Variants in TULP4 observed in about 807,000 individuals in gnomAD.
TULP4 encodes tubby-related protein 4.
In TULP4, 16 loss-of-function variants were observed where a neutral mutation model predicts 129.0. The ratio of observed to expected loss-of-function variants is 0.12; its 90% CI spans 0.08 to 0.19. The LOEUF (loss-of-function observed/expected upper bound fraction) is 0.19. Among genes scored for constraint, TULP4 ranks in the 10% least tolerant of loss-of-function variants. The pLI is 1.00. For missense variants in TULP4, 1,842 were observed against 2,059.1 expected (o/e 0.89, Z 2.04); for synonymous variants, 998 against 854.0 (o/e 1.17, Z -2.94).
At position 158,449,182 on chromosome 6, in the gene TULP4, C is replaced by T; in HGVS notation, c.724+6C>T. 1.2e-6 allele frequency: 2 copies of T among 1,607,704 alleles called. No homozygotes were observed. The highest frequency in any genetic ancestry group is 2.2e-5 in the South Asian group (2 of 89,986). On this transcript the variant is annotated splice_donor_region_variant and intron_variant, in intron 4 of 13. Transcript: ENST00000367097. ...TGACTACGCCCCTCCCCAAGGTACT[C>T]ATTGGCCCTACTTTCCTTGTCACTG...
rs113952661 is a variant in TULP4 at position 158,384,738 on chromosome 6, C to T, written c.253-28327C>T. The stretch of plus-strand genomic sequence containing the variant: ...CCCAACTAGGCATGAGGAGTGACTC[C>T]GTGTTAGTCAGAGGCCTCAGACCTG... On this transcript the variant is annotated intron_variant, in intron 1 of 13. Coordinates refer to ENST00000367097, the MANE Select transcript of TULP4 (RefSeq NM_020245.5). Among the ~76,000 whole-genome samples the T allele has an allele frequency of 9.9e-3, 1,505 of 152,256 alleles. 30 individuals are homozygous for T. The highest frequency in any genetic ancestry group is 0.033 in the African/African-American group (1,355 of 41,540).
intron 3 of TULP4, among the ~76,000 whole-genome samples, chr6:158,441,119 C>T (rs530833202): frequency 3.3e-5 from 5 of 152,194 alleles, no homozygotes; most frequent in African/African-American, 1.2e-4. Flanking sequence ...AGTTCAAGAC[C>T]AGCCCAGCCA....
chr6:158,377,713 A>G (rs535962211), intron 1 of TULP4, among the ~76,000 whole-genome samples: 2 of 152,140 alleles, frequency 1.3e-5, no homozygotes, highest in Non-Finnish European at 2.9e-5. Flanking sequence ...CAAGACATTT[A>G]TTGAGGGTCT....
chr6:158,292,912 ATTTC>A (rs1392110808), intron 1 of TULP4, among the ~76,000 whole-genome samples: 1 of 152,100 alleles, frequency 6.6e-6, no homozygotes, highest in Non-Finnish European at 1.5e-5. Flanking sequence ...ACAGGCTATT[ATTTC>A]TTTCAGACTT....
Position 158,503,309 on chromosome 6 carries a change from A to G in TULP4, c.3646A>G (p.Thr1216Ala), listed in dbSNP as rs1032110947. The G allele has an allele frequency of 7.4e-6, 12 of 1,613,510 alleles. No homozygotes were observed. In the African/African-American group the frequency reaches 9.4e-5, roughly 13 times the overall value. ...CTCTCCCAAAGATGCCCTGTCCCCAACGCAGTTTGCACAACAGGAGCCTGC... is the reference window on the plus strand; with the variant it reads ...CTCTCCCAAAGATGCCCTGTCCCCAGCGCAGTTTGCACAACAGGAGCCTGC... ...PCSPKDALSP[T>A]QFAQQEPAVV... The change falls in exon 13 of 14, where the codon ACG (threonine) becomes GCG (alanine). Residue 1216 changes from threonine (T) to alanine (A), a missense_variant. Physicochemically the swap from Thr to Ala is moderately conservative, Grantham distance 58. Around this residue, in one of 5 missense-constraint regions of TULP4, gnomAD observed 1,089 missense variants for 987.1 expected, o/e 1.10. Coordinates refer to ENST00000367097, the MANE Select transcript of TULP4 (RefSeq NM_020245.5). This position sits in a 1 kb window ranked among gnomAD's most constrained non-coding sequence, Gnocchi z 4.3.
intron 1 of TULP4, among the ~76,000 whole-genome samples, chr6:158,301,042 G>A (rs898180985): frequency 6.6e-6 from 1 of 152,126 alleles, no homozygotes; most frequent in Admixed American, 6.5e-5. Context: ...ATATAGAAAG[G>A]GTGTCTACGT....
At chr6:158,309,416 C>CA (rs1779293937), upstream of TULP4, among the ~76,000 whole-genome samples, 1 of 144,380 alleles carries the variant, frequency 6.9e-6, no homozygotes, top group South Asian at 2.3e-4. Flanking sequence ...ACTGGGCAGC[C>CA]AGGCAGAGGG....
chr6:158,475,633 G>T (rs932667496), intron 6 of TULP4, among the ~76,000 whole-genome samples: 1 of 152,156 alleles, frequency 6.6e-6, no homozygotes, highest in East Asian at 1.9e-4. Flanking sequence ...TAGGGAGGAG[G>T]TACCTTCAGC....
intron 1 of TULP4, among the ~76,000 whole-genome samples, chr6:158,331,743 A>ATG (rs1779891630): frequency 2.6e-5 from 1 of 38,702 alleles, no homozygotes; most frequent in Non-Finnish European, 5.7e-5. Context: ...GTATATATAT[A>ATG]CGTGTATATA....
At chr6:158,419,204 T>C (rs1778280937) in intron 2 of TULP4, among the ~76,000 whole-genome samples, 1 of 152,188 alleles carries the variant, frequency 6.6e-6, no homozygotes, top group South Asian at 2.1e-4. Flanking sequence ...ATTGTCATGA[T>C]AGAGACATTG....
At chr6:158,481,621 T>A (rs992227991) in intron 8 of TULP4, 6 of 352,330 alleles carry the variant, frequency 1.7e-5, no homozygotes, top group African/African-American at 1.2e-4. Context: ...TGCCTTCATG[T>A]AATATTGAGA....
intron 1 of TULP4, among the ~76,000 whole-genome samples, chr6:158,394,402 G>A (rs532203969): frequency 2.7e-5 from 4 of 150,754 alleles, no homozygotes; most frequent in African/African-American, 5.0e-5. Flanking sequence ...TTTCGAAGTC[G>A]CTTCCACATT....
intron 1 of TULP4, among the ~76,000 whole-genome samples, chr6:158,371,077 C>T (rs767073154): frequency 3.3e-5 from 5 of 152,280 alleles, no homozygotes; most frequent in Non-Finnish European, 5.9e-5. Context: ...TTTACTTTTT[C>T]CTGGAAACAG....
chr6:158,443,952 G>T (rs556331384), intron 3 of TULP4, among the ~76,000 whole-genome samples: 12 of 152,070 alleles, frequency 7.9e-5, no homozygotes, highest in Non-Finnish European at 1.2e-4. Context: ...GGGTGCGGTG[G>T]CTCACGCCTG....
chr6:158,268,167 C>T (rs1172737674), intron 1 of TULP4, among the ~76,000 whole-genome samples: 3 of 151,570 alleles, frequency 2.0e-5, no homozygotes, highest in African/African-American at 7.3e-5. Context: ...TCCCGAGTAG[C>T]TGGGATTACA....
chr6:158,250,157 CT>C (rs1242045230), intron 1 of TULP4, among the ~76,000 whole-genome samples: 626 of 139,636 alleles, frequency 4.5e-3, no homozygotes, highest in South Asian at 8.3e-3. Flanking sequence ...CTTTTCTTTT[CT>C]TTTTTTTTTT....
At chr6:158,274,730 TTG>T (rs1778612489) in intron 1 of TULP4, among the ~76,000 whole-genome samples, 4 of 152,136 alleles carry the variant, frequency 2.6e-5, no homozygotes, top group Non-Finnish European at 4.4e-5. Flanking sequence ...TGAGCCGAGA[TTG>T]CGCCCCTGCA....
chr6:158,430,326 A>AATT (rs3085235), intron 3 of TULP4, among the ~76,000 whole-genome samples: 109,599 of 151,854 alleles, frequency 0.72, 39,991 homozygotes, highest in African/African-American at 0.78. Context: ...AATTATAAGC[A>AATT]ATTTTATAGT....
upstream of TULP4, among the ~76,000 whole-genome samples, chr6:158,310,776 A>G (rs1404611415): frequency 6.6e-6 from 1 of 152,182 alleles, no homozygotes; most frequent in African/African-American, 2.4e-5. Context: ...TTGCAACTTA[A>G]ACTGTATAAT....
Sources: gnomAD v4.1 joint callset for allele counts (sites outside exome capture counted in the v4.1 genomes callset) on GRCh38, gnomAD v4.1.1 for gene constraint, gnomAD v4.1.1 regional missense constraint, Gnocchi (gnomAD v3.1) non-coding constraint, MANE v1.5 for transcripts, NCBI Gene and HGNC (gene_info 2026-07-23, HGNC 2026-07-21) for gene names.